Variants in DAB1 observed in about 807,000 individuals in gnomAD.
DAB1 encodes disabled homolog 1.
DAB1 carries 15 observed loss-of-function variants against 64.6 expected under a neutral mutation model. The ratio of observed to expected loss-of-function variants is 0.23; its 90% confidence interval spans 0.16 to 0.36. DAB1 has a LOEUF of 0.36. Among genes scored for constraint, DAB1 ranks in the 10% least tolerant of loss-of-function variants. The pLI is 1.00. For synonymous variants in DAB1, 235 were observed against 251.9 expected, an observed-to-expected ratio of 0.93 and a Z score of 0.64; for missense variants, 596 against 706.7, an observed-to-expected ratio of 0.84 and a Z score of 1.78.
chr1:57,106,266 C>CCCA (rs1553142608), intron 4 of DAB1, among the ~76,000 whole-genome samples: 12 of 151,164 alleles, frequency 7.9e-5, no homozygotes, highest in Non-Finnish European at 1.3e-4. Flanking sequence ...CACCCCCCCC[C>CCCA]ATCAGTATTA....
At chr1:57,733,451 T>G (rs1647531843) in intron 6 of DAB1, among the ~76,000 whole-genome samples, 1 of 152,012 alleles carries the variant, frequency 6.6e-6, no homozygotes, top group Admixed American at 6.6e-5. Context: ...TTTCCATATA[T>G]GAAAGAATGA....
chr1:58,091,420 C>T (rs149921116), intron 5 of DAB1, among the ~76,000 whole-genome samples: 8 of 152,172 alleles, frequency 5.3e-5, no homozygotes, highest in African/African-American at 1.9e-4. Context: ...CACATGTGTC[C>T]CATTAAATAA....
chr1:57,001,276 C>T (rs1007193888), intron 14 of DAB1, among the ~76,000 whole-genome samples: 2 of 152,112 alleles, frequency 1.3e-5, no homozygotes, highest in African/African-American at 4.8e-5. Flanking sequence ...ATTAACATAA[C>T]ATGCTGTTGA....
At chr1:57,114,655 G>A (rs775646734) in intron 4 of DAB1, among the ~76,000 whole-genome samples, 50 of 152,172 alleles carry the variant, frequency 3.3e-4, no homozygotes, top group Non-Finnish European at 2.5e-4. Context: ...GACTACATAA[G>A]CTCCTGCACT....
At chr1:57,674,604 T>G (rs1350677121) in intron 6 of DAB1, among the ~76,000 whole-genome samples, 2 of 152,162 alleles carry the variant, frequency 1.3e-5, no homozygotes, top group African/African-American at 4.8e-5. Flanking sequence ...AGGCTATCAG[T>G]CTTGCCTGGT....
At chr1:57,820,296 T>C in intron 6 of DAB1, among the ~76,000 whole-genome samples, 1 of 152,202 alleles carries the variant, frequency 6.6e-6, no homozygotes, top group Admixed American at 6.5e-5. Context: ...AAATATTTCC[T>C]CTGAGCCAAT....
Position 58,035,991 on chromosome 1 carries a change from C to T in DAB1, n.387+114520G>A, listed in dbSNP as rs183906092. On this transcript the variant is annotated intron_variant and non_coding_transcript_variant, in intron 5 of 20. Transcript: ENST00000485760. ...GTGTACGGTTGATGTTAAATAGGAG[C>T]TTGATTTAATTGGTTGTCTCCAAAC... 4.2e-3 allele frequency among the ~76,000 whole-genome samples: 645 copies of T among 152,162 alleles called. 3 individuals are homozygous for T. Among genetic ancestry groups the T allele is most frequent in the African/African-American group, 0.015 (613 of 41,470 alleles).
chr1:57,370,628 AC>A (rs1208331198), intron 1 of DAB1, among the ~76,000 whole-genome samples: 3 of 149,010 alleles, frequency 2.0e-5, no homozygotes, highest in Non-Finnish European at 3.0e-5. Context: ...AAAAAAAAAA[AC>A]GTGTAACCCT....
chr1:58,074,536 A>ATATC, intron 5 of DAB1: 1 of 107,400 alleles, frequency 9.3e-6, no homozygotes, highest in Non-Finnish European at 1.8e-5. Flanking sequence ...ATATATATAT[A>ATATC]TATATATACA....
intron 5 of DAB1, among the ~76,000 whole-genome samples, chr1:58,047,461 T>G (rs1647312768): frequency 6.6e-6 from 1 of 152,158 alleles, no homozygotes; most frequent in Non-Finnish European, 1.5e-5. Context: ...GATGTACAGG[T>G]GAGTGGCATC....
intron 5 of DAB1, among the ~76,000 whole-genome samples, chr1:58,102,502 T>C (rs1401426065): frequency 6.6e-6 from 1 of 152,220 alleles, no homozygotes; most frequent in Non-Finnish European, 1.5e-5. Flanking sequence ...CCTGAATCCA[T>C]ATTTTCTAAT....
At chr1:58,388,689 A>T (rs2100553274) in intron 3 of DAB1, among the ~76,000 whole-genome samples, 1 of 152,358 alleles carries the variant, frequency 6.6e-6, no homozygotes, top group Non-Finnish European at 1.5e-5. Context: ...ATCATTATAA[A>T]CCAAGTACAA....
intron 2 of DAB1, among the ~76,000 whole-genome samples, chr1:57,159,856 C>CAAAAAAAAAAAAA (rs398049302): frequency 7.2e-4 from 62 of 86,336 alleles, no homozygotes; most frequent in African/African-American, 2.4e-3. Flanking sequence ...AGCAGCAAGA[C>CAAAAAAAAAAAAA]AAAAAAAAAA....
intron 4 of DAB1, among the ~76,000 whole-genome samples, chr1:58,227,177 A>G (rs1293419630): frequency 1.3e-5 from 2 of 152,232 alleles, no homozygotes; most frequent in Admixed American, 1.3e-4. Context: ...CTCCTGGAAG[A>G]GATCTGAAAT....
intron 6 of DAB1, among the ~76,000 whole-genome samples, chr1:57,782,364 CA>C (rs1650142216): frequency 6.6e-6 from 1 of 152,166 alleles, no homozygotes; most frequent in African/African-American, 2.4e-5. Flanking sequence ...TTAAGTCTCA[CA>C]ACTAGACATT....
chr1:57,238,620 G>T (rs1332580998), intron 2 of DAB1, among the ~76,000 whole-genome samples: 2 of 152,078 alleles, frequency 1.3e-5, no homozygotes, highest in African/African-American at 4.8e-5. Flanking sequence ...TCCTCCAGAA[G>T]TCCTTCCTGC....
At chr1:57,243,003 A>G (rs1174630086) in intron 2 of DAB1, among the ~76,000 whole-genome samples, 2 of 152,184 alleles carry the variant, frequency 1.3e-5, no homozygotes, top group Non-Finnish European at 2.9e-5. Context: ...GTAGATACTC[A>G]ATAAATACTT....
At chr1:57,991,926 C>T (rs1646348538) in intron 5 of DAB1, among the ~76,000 whole-genome samples, 1 of 147,636 alleles carries the variant, frequency 6.8e-6, no homozygotes, top group Admixed American at 6.8e-5. Context: ...AGATTGGATG[C>T]CCGAGTTGAG....
At chr1:57,091,747 A>G (rs1653699087) in intron 4 of DAB1, among the ~76,000 whole-genome samples, 1 of 152,216 alleles carries the variant, frequency 6.6e-6, no homozygotes, top group Non-Finnish European at 1.5e-5. Flanking sequence ...ATGGATAACC[A>G]CAGTACCAAC....
Sources: gnomAD v4.1 joint callset for allele counts (sites outside exome capture counted in the v4.1 genomes callset) on GRCh38, gnomAD v4.1.1 for gene constraint, MANE v1.5 for transcripts, NCBI Gene and HGNC (gene_info 2026-07-23, HGNC 2026-07-21) for gene names.